Variants in GAL3ST1 observed in about 807,000 individuals in gnomAD.
The protein encoded by GAL3ST1 is galactosylceramide sulfotransferase.
A neutral mutation model predicts 25.0 loss-of-function variants in GAL3ST1; 13 were observed. The ratio of observed to expected loss-of-function variants is 0.52; its 90% CI spans 0.34 to 0.83. The LOEUF (loss-of-function observed/expected upper bound fraction) is 0.83, where lower values mean the gene tolerates loss of function less well. Among genes scored for constraint, GAL3ST1 ranks in the 40% least tolerant of loss-of-function variants. The pLI, the probability that GAL3ST1 is intolerant of heterozygous loss-of-function variation, is 0.02. For missense variants in GAL3ST1, 474 were observed against 613.6 expected (o/e 0.77, Z 2.40); for synonymous variants, 274 against 277.8 (o/e 0.99, Z 0.14).
rs747913810 is a variant in GAL3ST1, at chr22:30,556,111, G to A, written c.132-18C>T. 2.5e-6 allele frequency: 4 copies of A among 1,588,618 alleles called. No homozygotes were observed. The South Asian group carries it at 3.3e-5, about 13-fold the overall frequency. Reference sequence around the variant, plus strand: ...CCGGGGTCCTGCTGGGGACAGAGAGGTGGGGAGAGCCTCAGGGGGGTGCTG... The same window carrying A: ...CCGGGGTCCTGCTGGGGACAGAGAGATGGGGAGAGCCTCAGGGGGGTGCTG... On this transcript the variant is annotated intron_variant, in intron 3 of 3. Coordinates refer to ENST00000406361, the MANE Select transcript of GAL3ST1 (RefSeq NM_001318104.2).
At chr22:30,570,291 G>A (rs369933720) in intron 1 of GAL3ST1, among the ~76,000 whole-genome samples, 5 of 152,294 alleles carry the variant, frequency 3.3e-5, no homozygotes, top group East Asian at 3.9e-4. Context: ...TATGATGTTC[G>A]TAGTGCAGAT....
At chr22:30,558,889 G>A (rs554194364) in intron 1 of GAL3ST1, among the ~76,000 whole-genome samples, 1 of 152,330 alleles carries the variant, frequency 6.6e-6, no homozygotes, top group Non-Finnish European at 1.5e-5. Flanking sequence ...TGGGCACGGT[G>A]GCTCACGCCT....
rs1023826778 is a variant in GAL3ST1 at position 30,558,438 on chromosome 22, C to G, written c.-119-50G>C. The stretch of plus-strand genomic sequence containing the variant: ...AATAAGAAGGAAAAGAAGACCCTCT[C>G]CCCGTGCCCTGGGCCCTCCCTCCCC... On this transcript the variant is annotated intron_variant, in intron 1 of 3. Transcript: ENST00000406361. 2.6e-5 allele frequency: 4 copies of G among 152,344 alleles called. No individual in the cohort carries two copies. In the East Asian group the frequency reaches 7.8e-4, roughly 30 times the overall value. 9.4% of individuals were successfully genotyped at this position (152,344 alleles called of 1,614,324 possible). A position where few individuals can be genotyped will look rare whatever the true frequency, so the allele number is the denominator to read the frequency against.
At chr22:30,565,040 C>T (rs1365026064) in intron 1 of GAL3ST1, 1 of 152,426 alleles carries the variant, frequency 6.6e-6, no homozygotes. Flanking sequence ...TTGCCCAGGC[C>T]TTCTGCCTCC....
At chr22:30,560,948 C>T (rs2086374660) in intron 1 of GAL3ST1, among the ~76,000 whole-genome samples, 1 of 152,114 alleles carries the variant, frequency 6.6e-6, no homozygotes. Flanking sequence ...CCCATTTGCT[C>T]TTTTGTTTGT....
At chr22:30,562,856 G>A (rs374077142) in intron 1 of GAL3ST1, among the ~76,000 whole-genome samples, 14 of 152,286 alleles carry the variant, frequency 9.2e-5, no homozygotes, top group African/African-American at 2.6e-4. Flanking sequence ...GGCCAGGCCC[G>A]GTGTAATCCC....
At chr22:30,559,502 G>A (rs920676368) in intron 1 of GAL3ST1, among the ~76,000 whole-genome samples, 1 of 152,130 alleles carries the variant, frequency 6.6e-6, no homozygotes, top group African/African-American at 2.4e-5. Context: ...GCCTCCCAAA[G>A]TGCTAGAGTT....
chr22:30,565,325 G>A (rs1211609312), intron 1 of GAL3ST1: 1 of 152,208 alleles, frequency 6.6e-6, no homozygotes, highest in African/African-American at 2.4e-5. Context: ...TACCCTCCTG[G>A]TAAAGAAACC....
Position 30,554,897 on chromosome 22 carries a change from T to G in GAL3ST1, c.*56A>C. 7.3e-7 allele frequency: 1 copy of G among 1,365,982 alleles called. No homozygotes were observed. The highest frequency in any genetic ancestry group is 9.9e-7 in the Non-Finnish European group (1 of 1,012,948). The allele number at this position is 1,365,982 out of a possible 1,614,324, so 84.6% of individuals were successfully genotyped here. A position where few individuals can be genotyped will look rare whatever the true frequency, so the allele number is the denominator to read the frequency against. ...GGGGCGGCCAGCACCAGCGGCGTCC[T>G]GCTCAGCCCCTCTGCAGGGAGCGAG... On this transcript the variant is annotated 3_prime_UTR_variant, in exon 4 of 4. Transcript: ENST00000406361.
intron 1 of GAL3ST1, among the ~76,000 whole-genome samples, chr22:30,559,199 C>A (rs979803344): frequency 6.6e-6 from 1 of 152,010 alleles, no homozygotes; most frequent in Non-Finnish European, 1.5e-5. Context: ...AACTAGATGT[C>A]CTGGAGGTTT....
intron 2 of GAL3ST1, chr22:30,557,787 CTT>C (rs10711898): frequency 0.027 from 4,022 of 150,524 alleles, 144 homozygotes; most frequent in African/African-American, 0.083. Context: ...TACTTATTAC[CTT>C]TTTTTTTTTA....
At chr22:30,573,518 C>T (rs867344359) in intron 1 of GAL3ST1, among the ~76,000 whole-genome samples, 3 of 152,320 alleles carry the variant, frequency 2.0e-5, no homozygotes, top group Middle Eastern at 3.4e-3. Context: ...CTGGATGAGC[C>T]TCACCCTCTC....
rs1232709405 is a variant in GAL3ST1 at position 30,555,240 on chromosome 22, G to C, written c.985C>G (p.Arg329Gly). Residue 329 changes from arginine (R) to glycine (G), a missense_variant, in exon 4 of 4, where the codon CGC (arginine) becomes GGC (glycine). By Grantham distance (125) the Arg-to-Gly change is moderately radical (BLOSUM62 -2). This residue lies in a region of GAL3ST1 where 359 missense variants were observed against 504.4 expected (regional missense o/e 0.71). Transcript: ENST00000406361. This position sits in a 1 kb window ranked among gnomAD's most constrained non-coding sequence, Gnocchi z 8.6. ...VEAFGRERMA[R>G]EVAALRHANE... ...GCATGGCGCAGGGCGGCCACCTCGC[G>C]GGCCATGCGCTCCCGCCCGAAGGCC... 5 of 1,598,816 alleles carry C rather than the reference G, an allele frequency of 3.1e-6. No homozygotes were observed. The highest frequency in any genetic ancestry group is 4.3e-6 in the Non-Finnish European group (5 of 1,175,552).
chr22:30,568,788 T>C (rs1163601661), intron 1 of GAL3ST1, among the ~76,000 whole-genome samples: 4 of 151,752 alleles, frequency 2.6e-5, no homozygotes, highest in African/African-American at 7.3e-5. Flanking sequence ...AAGAGGGACA[T>C]GCAGAGGCCT....
intron 1 of GAL3ST1, among the ~76,000 whole-genome samples, chr22:30,563,757 C>T (rs1157076303): frequency 1.3e-5 from 2 of 149,738 alleles, no homozygotes. Flanking sequence ...ACTAAAAATA[C>T]AAAAAAAAAT....
At chr22:30,557,448 A>C (rs1365586839) in intron 2 of GAL3ST1, 47 bp from the exon 3 acceptor site, 6 of 1,608,628 alleles carry the variant, frequency 3.7e-6, no homozygotes, top group Non-Finnish European at 5.1e-6. Flanking sequence ...AGCTGGCCCC[A>C]GGGAGCCCCC....
chr22:30,555,803 T>C lies in GAL3ST1; in HGVS notation c.422A>G (p.His141Arg). Residue 141 changes from histidine to arginine, a missense_variant, in exon 4 of 4, where the codon CAC (histidine) becomes CGC (arginine). By Grantham distance (29) the His-to-Arg change is conservative (BLOSUM62 0). Coordinates refer to ENST00000406361, the MANE Select transcript of GAL3ST1 (RefSeq NM_001318104.2). This position sits in a 1 kb window ranked among gnomAD's most constrained non-coding sequence, Gnocchi z 8.6. Reference protein sequence around the residue: ...PGACFNIICNHMRFHYDEVRG... With the variant: ...PGACFNIICNRMRFHYDEVRG... ...CACCTCGTCGTAGTGGAAGCGCATG[T>C]GGTTGCAGATGATGTTGAAGCAGGC... The C allele has an allele frequency of 6.2e-7, 1 of 1,614,048 alleles. No individual in the cohort carries two copies. Among genetic ancestry groups the C allele is most frequent in the Non-Finnish European group, 8.5e-7 (1 of 1,180,000 alleles).
intron 1 of GAL3ST1, among the ~76,000 whole-genome samples, chr22:30,559,453 A>G (rs112514152): frequency 0.041 from 6,212 of 152,170 alleles, 156 homozygotes; most frequent in African/African-American, 0.063. Flanking sequence ...GTTGGCCAGG[A>G]TCATCTTGAT....
chr22:30,563,864 C>T (rs149496078), intron 1 of GAL3ST1, among the ~76,000 whole-genome samples: 24 of 150,708 alleles, frequency 1.6e-4, no homozygotes, highest in African/African-American at 5.6e-4. Context: ...TGCAGCGAGC[C>T]GAGATCACTC....
Sources: gnomAD v4.1 joint callset for allele counts (sites outside exome capture counted in the v4.1 genomes callset) on GRCh38, gnomAD v4.1.1 for gene constraint, gnomAD v4.1.1 regional missense constraint, Gnocchi (gnomAD v3.1) non-coding constraint, MANE v1.5 for transcripts, NCBI Gene and HGNC (gene_info 2026-07-23, HGNC 2026-07-21) for gene names.